The following SFXN5 variants were observed in gnomAD, a reference collection of about 807,000 sequenced individuals.
SFXN5 encodes the protein sideroflexin-5.
Under a neutral mutation model 50.2 loss-of-function variants are expected in SFXN5, and 43 were observed. That is an observed-to-expected ratio of 0.86 (90% CI 0.67 to 1.11). The LOEUF (loss-of-function observed/expected upper bound fraction) is 1.11, where lower values mean the gene tolerates loss of function less well. SFXN5 is among the 50% of genes least tolerant of loss of function. The pLI, the probability that SFXN5 is intolerant of heterozygous loss-of-function variation, is 0.00. For missense variants in SFXN5, 463 were observed against 454.1 expected (o/e 1.02, Z -0.18); for synonymous variants, 203 against 185.8 (o/e 1.09, Z -0.75).
chr2:73,060,633 GTGT>G (rs1559220329), intron 1 of SFXN5, among the ~76,000 whole-genome samples: 1 of 151,898 alleles, frequency 6.6e-6, no homozygotes, highest in African/African-American at 2.4e-5. Context: ...GTTAATAAAA[GTGT>G]TGTATCCATG....
chr2:73,001,875 G>A (rs966794586), intron 6 of SFXN5, among the ~76,000 whole-genome samples: 2 of 152,188 alleles, frequency 1.3e-5, no homozygotes, highest in African/African-American at 4.8e-5. Context: ...AACCTGTAGT[G>A]TGGATGTCTC....
intron 1 of SFXN5, among the ~76,000 whole-genome samples, chr2:73,064,119 G>GC (rs1198944763): frequency 1.3e-5 from 2 of 152,196 alleles, no homozygotes; most frequent in East Asian, 1.9e-4. Flanking sequence ...CCATCTGCAA[G>GC]CCCCCCAGGG....
chr2:73,040,103 G>GC (rs1366290519), intron 3 of SFXN5, among the ~76,000 whole-genome samples: 1 of 152,116 alleles, frequency 6.6e-6, no homozygotes, highest in Non-Finnish European at 1.5e-5. Flanking sequence ...GAGCCACCGT[G>GC]CCCAGCCCCT....
intron 3 of SFXN5, among the ~76,000 whole-genome samples, chr2:73,036,039 G>GT (rs1678933035): frequency 6.6e-6 from 1 of 152,238 alleles, no homozygotes; most frequent in African/African-American, 2.4e-5. Flanking sequence ...TCAGGACCCA[G>GT]TTGCAGGCTT....
intron 6 of SFXN5, among the ~76,000 whole-genome samples, chr2:73,006,571 G>A (rs1330781409): frequency 2.0e-5 from 3 of 150,616 alleles, no homozygotes; most frequent in South Asian, 4.2e-4. Flanking sequence ...GCAGTGAGCC[G>A]AGATCACACC....
At chr2:72,979,899 G>A (rs1279483635) in intron 10 of SFXN5, among the ~76,000 whole-genome samples, 1 of 152,108 alleles carries the variant, frequency 6.6e-6, no homozygotes, top group African/African-American at 2.4e-5. Flanking sequence ...TGAATTTGGA[G>A]GGATATATAC....
At chr2:72,990,055 G>A (rs537480111) in intron 9 of SFXN5, among the ~76,000 whole-genome samples, 155 of 152,378 alleles carry the variant, frequency 1.0e-3, no homozygotes, top group African/African-American at 3.3e-3. Context: ...GCCTGCCGCT[G>A]TTGGGGCAGG....
intron 12 of SFXN5, among the ~76,000 whole-genome samples, chr2:72,967,908 A>G (rs1331115733): frequency 6.6e-6 from 1 of 152,162 alleles, no homozygotes; most frequent in East Asian, 1.9e-4. Flanking sequence ...CACAGTCATG[A>G]CAGATATGAG....
At chr2:72,967,667 T>C (rs1674591558) in intron 12 of SFXN5, among the ~76,000 whole-genome samples, 1 of 152,176 alleles carries the variant, frequency 6.6e-6, no homozygotes, top group Non-Finnish European at 1.5e-5. Flanking sequence ...AGCTGCTGTC[T>C]TGAGGTGTCC....
intron 6 of SFXN5, among the ~76,000 whole-genome samples, chr2:73,015,632 T>C (rs1676050024): frequency 6.6e-6 from 1 of 152,222 alleles, no homozygotes; most frequent in South Asian, 2.1e-4. Flanking sequence ...TTTTTTGCTT[T>C]TGAAAGCTTT....
intron 11 of SFXN5, among the ~76,000 whole-genome samples, chr2:72,970,719 G>A (rs539818314): frequency 1.3e-5 from 2 of 151,296 alleles, no homozygotes; most frequent in African/African-American, 2.4e-5. Context: ...ACGGAGTTTC[G>A]CTGTTTCACC....
At chr2:73,061,246 T>C (rs866616910) in intron 1 of SFXN5, among the ~76,000 whole-genome samples, 5 of 148,874 alleles carry the variant, frequency 3.4e-5, no homozygotes, top group Middle Eastern at 3.4e-3. Context: ...AGGTGGAGGT[T>C]GCAGCGAGCA....
At chr2:72,989,038 C>G (rs868359399) in intron 9 of SFXN5, among the ~76,000 whole-genome samples, 5 of 152,214 alleles carry the variant, frequency 3.3e-5, no homozygotes, top group South Asian at 4.1e-4. Context: ...AGAGCACAGG[C>G]TTTCTCATGT....
At chr2:72,991,699 G>A (rs1479051653) in intron 9 of SFXN5, among the ~76,000 whole-genome samples, 4 of 152,222 alleles carry the variant, frequency 2.6e-5, no homozygotes, top group Non-Finnish European at 5.9e-5. Context: ...TGAACATTTG[G>A]TAGAGCCCGT....
At chr2:72,968,956 C>G (rs1335248766) in intron 11 of SFXN5, among the ~76,000 whole-genome samples, 2 of 152,012 alleles carry the variant, frequency 1.3e-5, no homozygotes, top group African/African-American at 2.4e-5. Context: ...GTGCGCACCA[C>G]CATACCTGGC....
chr2:72,967,857 T>C (rs991892767), intron 12 of SFXN5, among the ~76,000 whole-genome samples: 1 of 152,216 alleles, frequency 6.6e-6, no homozygotes, highest in African/African-American at 2.4e-5. Flanking sequence ...CATTCATTAA[T>C]AGAATCACTC....
At chr2:72,983,853 C>T (rs1484207482) in intron 10 of SFXN5, among the ~76,000 whole-genome samples, 1 of 152,108 alleles carries the variant, frequency 6.6e-6, no homozygotes, top group Non-Finnish European at 1.5e-5. Context: ...CCTGTGGGGC[C>T]GGCAACCCCT....
intron 3 of SFXN5, among the ~76,000 whole-genome samples, chr2:73,031,367 A>T (rs996184423): frequency 6.6e-6 from 1 of 152,208 alleles, no homozygotes; most frequent in Non-Finnish European, 1.5e-5. Context: ...GCCCAAAGAG[A>T]TGGTAGAGAA....
intron 2 of SFXN5, among the ~76,000 whole-genome samples, chr2:73,054,898 T>C (rs969995369): frequency 1.3e-5 from 2 of 152,262 alleles, no homozygotes; most frequent in Non-Finnish European, 2.9e-5. Context: ...GCATTGATTA[T>C]TCCTTGATTA....
Sources: allele counts gnomAD v4.1 joint callset (sites outside exome capture counted in the v4.1 genomes callset), GRCh38; gene constraint gnomAD v4.1.1; transcripts MANE v1.5; gene names NCBI Gene and HGNC (gene_info 2026-07-23, HGNC 2026-07-21).